PIK3CB: variants seen among roughly 807,000 people sequenced by gnomAD.
PIK3CB encodes the protein phosphatidylinositol-4,5-bisphosphate 3-kinase catalytic subunit beta, also known as phosphatidylinositol 4,5-bisphosphate 3-kinase catalytic subunit beta isoform.
Under a neutral mutation model 136.8 loss-of-function variants are expected in PIK3CB, and 39 were observed. The ratio of observed to expected loss-of-function variants is 0.29; its 90% CI spans 0.22 to 0.37. PIK3CB has a LOEUF of 0.37. Among genes scored for constraint, PIK3CB ranks in the 10% least tolerant of loss-of-function variants. The pLI is 1.00. For synonymous variants in PIK3CB, 428 were observed against 436.6 expected, an observed-to-expected ratio of 0.98 and a Z score of 0.25; for missense variants, 868 against 1,275.4, an observed-to-expected ratio of 0.68 and a Z score of 4.87.
At chr3:138,703,803 C>T (rs976067879) in intron 12 of PIK3CB, among the ~76,000 whole-genome samples, 1 of 152,122 alleles carries the variant, frequency 6.6e-6, no homozygotes, top group Non-Finnish European at 1.5e-5. Context: ...CTTAGCCAAG[C>T]GCATGACTGA....
In PIK3CB at chr3:138,834,764, A is replaced by C. The variant is rs1307265450; in HGVS notation, c.-191T>G. 6.5e-6 allele frequency: 1 copy of C among 153,160 alleles called. No individual in the cohort carries two copies. The highest frequency in any genetic ancestry group is 2.4e-5 in the African/African-American group (1 of 41,294). The allele number at this position is 153,160 out of a possible 1,614,324, so 9.5% of individuals were successfully genotyped here. ...GCAGTCAGCAGCCCAGGCCGCCGCA[A>C]CCGCTCCACTCCGGCGCCCCCATCC... On this transcript the variant is annotated 5_prime_UTR_variant, in exon 1 of 24. Transcript: ENST00000674063.
chr3:138,830,903 A>AAAT (rs373908245), intron 1 of PIK3CB, among the ~76,000 whole-genome samples: 23,506 of 136,776 alleles, frequency 0.17, 2,150 homozygotes, highest in East Asian at 0.24. Flanking sequence ...CTCCGTCTCA[A>AAAT]AATAATAATA....
chr3:138,801,544 A>G (rs1306082122), intron 1 of PIK3CB, among the ~76,000 whole-genome samples: 1 of 151,972 alleles, frequency 6.6e-6, no homozygotes, highest in African/African-American at 2.4e-5. Flanking sequence ...CAGCCTGGAC[A>G]ATGTAGCAGA....
chr3:138,684,778 G>A lies in PIK3CB; in HGVS notation c.2162C>T (p.Thr721Ile). The A allele has an allele frequency of 6.2e-7, 1 of 1,612,776 alleles. No homozygotes were observed. Among genetic ancestry groups the A allele is most frequent in the Non-Finnish European group, 8.5e-7 (1 of 1,179,566 alleles). ...ATTCAGTTTGATTAAACTATTTAAA[G>A]TTTTTAACTTATTGAGTGCTTCAAC... ...KQVEALNKLK[T>I]LNSLIKLNAV... The change falls in exon 17 of 24, where the codon ACT becomes ATT. Residue 721 changes from threonine (T) to isoleucine (I), a missense_variant. Transcript: ENST00000674063.
chr3:138,680,978 A>C (rs2043762484), intron 19 of PIK3CB, among the ~76,000 whole-genome samples: 1 of 151,130 alleles, frequency 6.6e-6, no homozygotes, highest in Non-Finnish European at 1.5e-5. Context: ...GTGAGCCACC[A>C]TGCACGGCCC....
At chr3:138,776,637 C>T (rs1488001089) in intron 2 of PIK3CB, among the ~76,000 whole-genome samples, 3 of 151,822 alleles carry the variant, frequency 2.0e-5, no homozygotes, top group Non-Finnish European at 2.9e-5. Context: ...CAGACATTGC[C>T]GTGAGCTGTG....
Position 138,747,797 on chromosome 3 carries a change from C to T in PIK3CB, c.398-5016G>A, listed in dbSNP as rs139639744. On this transcript the variant is annotated intron_variant, in intron 4 of 23. Coordinates refer to ENST00000674063, the MANE Select transcript of PIK3CB (RefSeq NM_006219.3). Reference sequence around the variant, plus strand: ...AAATCTCAAAAAAAGTTTCAATATACGTATTAAAAAATATCCACGTATAAG... The same window carrying T: ...AAATCTCAAAAAAAGTTTCAATATATGTATTAAAAAATATCCACGTATAAG... 4.8e-3 allele frequency among the ~76,000 whole-genome samples: 735 copies of T among 152,112 alleles called. 10 individuals are homozygous for T. The highest frequency in any genetic ancestry group is 0.032 in the Admixed American group (482 of 15,274).
intron 8 of PIK3CB, among the ~76,000 whole-genome samples, chr3:138,715,479 T>C (rs1417785880): frequency 2.0e-5 from 3 of 152,214 alleles, no homozygotes; most frequent in East Asian, 1.9e-4. Flanking sequence ...TCAGATGTGA[T>C]ACTAGCACAC....
intron 2 of PIK3CB, among the ~76,000 whole-genome samples, chr3:138,785,262 G>A (rs977901999): frequency 9.9e-5 from 15 of 151,336 alleles, no homozygotes; most frequent in African/African-American, 3.2e-4. Flanking sequence ...CCCGGCAGCC[G>A]CCCCCTCCAG....
At chr3:138,672,632 C>T (rs184005726) in intron 19 of PIK3CB, among the ~76,000 whole-genome samples, 19 of 152,246 alleles carry the variant, frequency 1.2e-4, no homozygotes, top group Non-Finnish European at 2.2e-4. Flanking sequence ...TTAGGCTGGG[C>T]GTGGTGGCTC....
intron 1 of PIK3CB, chr3:138,825,862 T>G: frequency 7.1e-7 from 1 of 1,409,184 alleles, no homozygotes; most frequent in Non-Finnish European, 9.8e-7. Context: ...CTGCAGACAA[T>G]GTGGACTTCA....
At chr3:138,683,572 C>T in intron 18 of PIK3CB, 106 bp downstream of exon 18, 1 of 673,390 alleles carries the variant, frequency 1.5e-6, no homozygotes, top group South Asian at 1.8e-5. Context: ...ACCTTCCTGG[C>T]TGCAAATTGT....
chr3:138,656,938 T>C (rs2108388968), intron 22 of PIK3CB, among the ~76,000 whole-genome samples: 1 of 152,240 alleles, frequency 6.6e-6, no homozygotes, highest in South Asian at 2.1e-4. Flanking sequence ...TGGCTACTTT[T>C]TGTATTTTTA....
At position 138,694,870 on chromosome 3, in the gene PIK3CB, G is replaced by C. The variant is rs375961764; in HGVS notation, c.1808C>G (p.Pro603Arg). Reference protein sequence around the residue: ...ALLQIWPKLPPREALELLDFN... With the variant: ...ALLQIWPKLPRREALELLDFN... ...ATCCAGAAGCTCTAGGGCCTCCCGG[G>C]GGGGCAGTTTAGGCCAAATCTGAAG... Residue 603 changes from proline (P) to arginine (R), a missense_variant, in exon 14 of 24, where the codon CCC (proline) becomes CGC (arginine). Pro to Arg is a moderately radical substitution (Grantham distance 103). This residue lies in a region of PIK3CB where 612 missense variants were observed against 801.1 expected (regional missense o/e 0.76). Transcript: ENST00000674063. The C allele has an allele frequency of 2.5e-5, 40 of 1,611,876 alleles. No individual in the cohort carries two copies. The highest frequency in any genetic ancestry group is 5.5e-5 in the South Asian group (5 of 90,576).
chr3:138,784,587 G>A (rs890868609), intron 2 of PIK3CB, among the ~76,000 whole-genome samples: 5 of 152,118 alleles, frequency 3.3e-5, no homozygotes, highest in East Asian at 3.9e-4. Context: ...GCGCCGCCAC[G>A]CCTGACTGGT....
chr3:138,832,650 A>T (rs1467635733), intron 1 of PIK3CB, among the ~76,000 whole-genome samples: 1 of 151,966 alleles, frequency 6.6e-6, no homozygotes, highest in Non-Finnish European at 1.5e-5. Context: ...AACATGGAGA[A>T]ACCCCGTCTC....
rs1053210966 is a variant in PIK3CB, at chr3:138,811,192, G to A, written c.-121-14625C>T. On this transcript the variant is annotated intron_variant, in intron 1 of 23. Coordinates refer to ENST00000674063, the MANE Select transcript of PIK3CB (RefSeq NM_006219.3). ...CAGTGAGCAGAGGTTGCAGTGAGCC[G>A]AGATTGCACCACTACACTACAGCCT... is the stretch of plus-strand genomic sequence containing the variant. Among the ~76,000 whole-genome samples the A allele has an allele frequency of 2.4e-5, 3 of 123,074 alleles. No individual in the cohort carries two copies. The East Asian group carries it at 7.3e-4, about 30-fold the overall frequency. The allele number at this position is 123,074 out of a possible 152,430, so 80.7% of individuals were successfully genotyped here.
intron 1 of PIK3CB, among the ~76,000 whole-genome samples, chr3:138,802,765 C>G (rs967811011): frequency 7.2e-5 from 11 of 152,136 alleles, no homozygotes; most frequent in African/African-American, 2.4e-4. Context: ...GCCAGTCTCT[C>G]TTGAGGTTTC....
chr3:138,782,574 G>A (rs918621279), intron 2 of PIK3CB, among the ~76,000 whole-genome samples: 3 of 152,082 alleles, frequency 2.0e-5, no homozygotes, highest in Non-Finnish European at 4.4e-5. Flanking sequence ...GGCACTTAGC[G>A]GATACACATT....
Sources: allele counts gnomAD v4.1 joint callset (sites outside exome capture counted in the v4.1 genomes callset), GRCh38; gene constraint gnomAD v4.1.1; regional missense constraint gnomAD v4.1.1; transcripts MANE v1.5; gene names NCBI Gene and HGNC (gene_info 2026-07-23, HGNC 2026-07-21).